RIN3: variants seen among roughly 807,000 people sequenced by gnomAD.
RIN3 encodes the protein RAB5 interacting protein 3.
In RIN3, 54 loss-of-function variants were observed where a neutral mutation model predicts 76.3. The ratio of observed to expected loss-of-function variants is 0.71; its 90% CI spans 0.57 to 0.89. The LOEUF is 0.89. RIN3 is among the 40% of genes least tolerant of loss of function. The probability of loss-of-function intolerance (pLI) is 0.00; values close to 1 mark genes in which losing one functional copy is unlikely to be tolerated. For synonymous variants in RIN3, 576 were observed against 564.0 expected (o/e 1.02, Z -0.30); for missense variants, 1,256 against 1,322.1 (o/e 0.95, Z 0.78).
At chr14:92,593,626 C>T (rs970285608) in intron 3 of RIN3, among the ~76,000 whole-genome samples, 7 of 152,168 alleles carry the variant, frequency 4.6e-5, no homozygotes, top group African/African-American at 1.7e-4. Context: ...ACCAACATGG[C>T]ACATTTATAC....
intron 5 of RIN3, 73 bp from the exon 6 acceptor site, chr14:92,651,509 C>A: frequency 1.0e-6 from 1 of 1,000,770 alleles, no homozygotes; most frequent in Non-Finnish European, 1.4e-6. Context: ...ACCCCGCCCA[C>A]AGACCCCGCC....
chr14:92,618,760 C>T (rs1360556701), intron 4 of RIN3, among the ~76,000 whole-genome samples: 1 of 152,146 alleles, frequency 6.6e-6, no homozygotes, highest in Non-Finnish European at 1.5e-5. Context: ...TGGTTATAAA[C>T]AATTTCAGTA....
At chr14:92,560,180 A>G (rs1193313187) in intron 2 of RIN3, among the ~76,000 whole-genome samples, 1 of 152,186 alleles carries the variant, frequency 6.6e-6, no homozygotes, top group Non-Finnish European at 1.5e-5. Context: ...GGAGGCACCC[A>G]GGCTGCCGAG....
intron 3 of RIN3, among the ~76,000 whole-genome samples, chr14:92,586,104 T>C (rs1334423214): frequency 6.6e-6 from 1 of 152,212 alleles, no homozygotes; most frequent in Non-Finnish European, 1.5e-5. Flanking sequence ...ACACAGCTAC[T>C]GGGAGGAATG....
intron 2 of RIN3, among the ~76,000 whole-genome samples, chr14:92,561,961 C>T (rs777058987): frequency 6.6e-6 from 1 of 152,228 alleles, no homozygotes; most frequent in Non-Finnish European, 1.5e-5. Context: ...ACTGGGATTA[C>T]AGGCGTGAGC....
Position 92,539,745 on chromosome 14 carries a change from A to G in RIN3, c.45-16006A>G, listed in dbSNP as rs1339786723. ...TTGAACCAGAGAAGATTCCAGAGGGAGGGAGGGTGGAGGAACTCAGTCCAG... is the reference window on the plus strand; with the variant it reads ...TTGAACCAGAGAAGATTCCAGAGGGGGGGAGGGTGGAGGAACTCAGTCCAG... On this transcript the variant is annotated intron_variant, in intron 1 of 9. Transcript: ENST00000216487. Among the ~76,000 whole-genome samples the G allele has an allele frequency of 3.3e-5, 5 of 152,034 alleles. No homozygotes were observed. In the East Asian group the frequency reaches 7.7e-4, roughly 23 times the overall value.
At chr14:92,585,932 C>T (rs770757654) in intron 3 of RIN3, among the ~76,000 whole-genome samples, 57 of 152,176 alleles carry the variant, frequency 3.7e-4, no homozygotes, top group Non-Finnish European at 2.9e-4. Flanking sequence ...CTGATGGCAT[C>T]GTGGTAATCT....
chr14:92,603,546 T>A (rs1269039912), intron 3 of RIN3, among the ~76,000 whole-genome samples: 1 of 152,176 alleles, frequency 6.6e-6, no homozygotes, highest in Non-Finnish European at 1.5e-5. Context: ...TCTCATGGTA[T>A]GTGGTTGGTG....
At chr14:92,598,548 T>A (rs1329364656) in intron 3 of RIN3, among the ~76,000 whole-genome samples, 1 of 152,252 alleles carries the variant, frequency 6.6e-6, no homozygotes, top group East Asian at 1.9e-4. Context: ...CTTTTACAGA[T>A]GAAGAAACGG....
chr14:92,540,559 C>T (rs1355452285), intron 1 of RIN3, among the ~76,000 whole-genome samples: 1 of 152,242 alleles, frequency 6.6e-6, no homozygotes, highest in Non-Finnish European at 1.5e-5. Context: ...ACTGCTACTT[C>T]TCTTCCATCC....
intron 1 of RIN3, among the ~76,000 whole-genome samples, chr14:92,543,683 A>G (rs1228831122): frequency 6.9e-6 from 1 of 144,656 alleles, no homozygotes; most frequent in Non-Finnish European, 1.5e-5. Context: ...CTGGGGTTCA[A>G]GAGATTTTTC....
At chr14:92,515,277 A>T (rs1337156691) in intron 1 of RIN3, 1 of 698,312 alleles carries the variant, frequency 1.4e-6, no homozygotes, top group South Asian at 1.5e-5. Flanking sequence ...CAACCCTCAC[A>T]CCCACTTGCA....
At chr14:92,523,192 C>A (rs141307172) in intron 1 of RIN3, among the ~76,000 whole-genome samples, 6,179 of 152,228 alleles carry the variant, frequency 0.041, 199 homozygotes, top group Non-Finnish European at 0.06. Context: ...CTCACTGCAA[C>A]CTCTGCCTCC....
chr14:92,514,073 G>A lies in RIN3; in HGVS notation c.44+97G>A, dbSNP rs1395351766. 2 of 886,384 alleles carry A rather than the reference G, an allele frequency of 2.3e-6. No individual in the cohort carries two copies. Among genetic ancestry groups the A allele is most frequent in the African/African-American group, 1.7e-5 (1 of 57,802 alleles). 54.9% of individuals were successfully genotyped at this position (886,384 alleles called of 1,614,324 possible). A position where few individuals can be genotyped will look rare whatever the true frequency, so the allele number is the denominator to read the frequency against. On this transcript the variant is annotated intron_variant, in intron 1 of 9. Coordinates refer to ENST00000216487, the MANE Select transcript of RIN3 (RefSeq NM_024832.5). This position sits in a 1 kb window ranked among gnomAD's most constrained non-coding sequence, Gnocchi z 7.2. ...TCTTGTCCCAGAGAGTCCTTCGGGC[G>A]CGTGACCTCGGGGTTGTCGGGCTGA...
At chr14:92,535,743 T>TGGCTCACTGCAACCTC (rs1896984551) in intron 1 of RIN3, among the ~76,000 whole-genome samples, 1 of 149,516 alleles carries the variant, frequency 6.7e-6, no homozygotes, top group Admixed American at 6.7e-5. Context: ...GGCGTGACCT[T>TGGCTCACTGCAACCTC]GGCTCACTGC....
At chr14:92,534,955 CT>C in intron 1 of RIN3, among the ~76,000 whole-genome samples, 1 of 152,334 alleles carries the variant, frequency 6.6e-6, no homozygotes, top group South Asian at 2.1e-4. Context: ...ATCACTTCAT[CT>C]CAGGATGAAT....
At chr14:92,629,627 C>T (rs1248087810) in intron 4 of RIN3, among the ~76,000 whole-genome samples, 1 of 152,218 alleles carries the variant, frequency 6.6e-6, no homozygotes, top group African/African-American at 2.4e-5. Flanking sequence ...TTTCCTGCCC[C>T]AGTAATAGTT....
intron 7 of RIN3, among the ~76,000 whole-genome samples, chr14:92,660,615 G>A (rs1012137741): frequency 6.6e-6 from 1 of 152,238 alleles, no homozygotes; most frequent in African/African-American, 2.4e-5. Flanking sequence ...GGCCCATCGA[G>A]GCCTGGCCCT....
At chr14:92,559,888 A>T (rs1265283124) in intron 2 of RIN3, among the ~76,000 whole-genome samples, 1 of 152,224 alleles carries the variant, frequency 6.6e-6, no homozygotes, top group Non-Finnish European at 1.5e-5. Flanking sequence ...ACCATGTTGC[A>T]TTCATCTACC....
Sources: allele counts gnomAD v4.1 joint callset (sites outside exome capture counted in the v4.1 genomes callset), GRCh38; gene constraint gnomAD v4.1.1; non-coding constraint Gnocchi (gnomAD v3.1); transcripts MANE v1.5; gene names NCBI Gene and HGNC (gene_info 2026-07-23, HGNC 2026-07-21).